The following FAAH2 variants were observed in gnomAD, a reference collection of about 807,000 sequenced individuals.
FAAH2 encodes the protein fatty acid amide hydrolase 2, also known as fatty-acid amide hydrolase 2.
A neutral mutation model predicts 36.9 loss-of-function variants in FAAH2; 60 were observed. That is an observed-to-expected ratio of 1.63 (90% CI 1.32 to 2.02). The LOEUF (loss-of-function observed/expected upper bound fraction) is 2.02. FAAH2 is among the 30% of genes most tolerant of loss of function. FAAH2 has a pLI of 0.00. For synonymous variants in FAAH2, 214 were observed against 143.8 expected, an observed-to-expected ratio of 1.49 and a Z score of -3.49; for missense variants, 689 against 397.5, an observed-to-expected ratio of 1.73 and a Z score of -6.23.
At chrX:57,165,289 C>T in the FAAH2 span, among the ~76,000 whole-genome samples, 1 of 112,062 alleles carries the variant, frequency 8.9e-6, no homozygotes, top group Non-Finnish European at 1.9e-5. Flanking sequence ...TGGAACCAAC[C>T]CAAATGTCCA....
At chrX:57,296,575 A>G (rs1409618526) in intron 2 of FAAH2, among the ~76,000 whole-genome samples, 1 of 112,328 alleles carries the variant, frequency 8.9e-6, no homozygotes, top group Non-Finnish European at 1.9e-5. Context: ...TGCAGCTACT[A>G]ATCAGCAATG....
chrX:57,381,479 A>C (rs907525246), intron 7 of FAAH2: 1 of 582,180 alleles, frequency 1.7e-6, no homozygotes, highest in Non-Finnish European at 2.1e-6. Flanking sequence ...AAGAAGAATA[A>C]TAAGGGGAAC....
At chrX:57,150,642 G>T in the FAAH2 span, among the ~76,000 whole-genome samples, 1 of 111,633 alleles carries the variant, frequency 9.0e-6, no homozygotes, top group Non-Finnish European at 1.9e-5. Flanking sequence ...TTTATTTTGA[G>T]CCTATGTGTA....
chrX:57,414,308 C>A (rs1016397579), intron 7 of FAAH2, among the ~76,000 whole-genome samples: 2 of 111,851 alleles, frequency 1.8e-5, no homozygotes, highest in Non-Finnish European at 3.8e-5. Flanking sequence ...ATAAATGCTT[C>A]CAGCTTTTGC....
Position 57,400,937 on chromosome X carries a change from A to G in FAAH2, c.996+19908A>G, listed in dbSNP as rs748428039. Among the ~76,000 whole-genome samples, 10 of 110,938 alleles carry G rather than the reference A, an allele frequency of 9.0e-5. No homozygotes were observed. In the East Asian group the frequency reaches 2.9e-3, roughly 32 times the overall value. ...GGAGATTGAGACCATCCTGGCCAAC[A>G]CAGTGAAACCCCGTTTCTACCAAAA... On this transcript the variant is annotated intron_variant, in intron 7 of 10. Coordinates refer to ENST00000374900, the MANE Select transcript of FAAH2 (RefSeq NM_174912.4).
chrX:57,448,077 C>T (rs1220593493), intron 9 of FAAH2, among the ~76,000 whole-genome samples: 2 of 111,475 alleles, frequency 1.8e-5, no homozygotes, highest in African/African-American at 6.5e-5. Context: ...GCAGCATTGA[C>T]CTCCTGGGCT....
the FAAH2 span, among the ~76,000 whole-genome samples, chrX:57,215,953 T>G: frequency 6.6e-4 from 69 of 104,523 alleles, no homozygotes; most frequent in African/African-American, 2.1e-3. Context: ...GTTCTGCTCA[T>G]GTATCCCAAA....
intron 8 of FAAH2, among the ~76,000 whole-genome samples, chrX:57,445,170 G>A (rs189652828): frequency 8.9e-6 from 1 of 111,880 alleles, no homozygotes; most frequent in East Asian, 2.8e-4. Context: ...GTGTTGTCCT[G>A]TAAGTGTGTT....
chrX:57,167,532 C>T, the FAAH2 span, among the ~76,000 whole-genome samples: 2 of 111,957 alleles, frequency 1.8e-5, no homozygotes, highest in Non-Finnish European at 3.8e-5. Context: ...CAGTTAACCA[C>T]TTCTTAACTT....
At chrX:57,272,036 T>A in the FAAH2 span, among the ~76,000 whole-genome samples, 1 of 108,690 alleles carries the variant, frequency 9.2e-6, no homozygotes, top group Non-Finnish European at 1.9e-5. Context: ...CTAACTAGAA[T>A]AACTAATGTA....
chrX:57,259,757 C>T, the FAAH2 span, among the ~76,000 whole-genome samples: 1 of 111,568 alleles, frequency 9.0e-6, no homozygotes, highest in South Asian at 3.7e-4. Flanking sequence ...AATAATTTTA[C>T]AATGTACACA....
intron 10 of FAAH2, among the ~76,000 whole-genome samples, chrX:57,465,604 C>A (rs2057034568): frequency 9.0e-6 from 1 of 110,700 alleles, no homozygotes. Flanking sequence ...AATGTTAAGA[C>A]AAAATAAAAA....
chrX:57,218,991 A>T, the FAAH2 span, among the ~76,000 whole-genome samples: 1 of 112,114 alleles, frequency 8.9e-6, no homozygotes, highest in Non-Finnish European at 1.9e-5. Flanking sequence ...TCTCAGGCCC[A>T]GTCCCAAGGC....
At chrX:57,342,340 G>T (rs998302344) in intron 5 of FAAH2, among the ~76,000 whole-genome samples, 1 of 111,409 alleles carries the variant, frequency 9.0e-6, no homozygotes, top group Non-Finnish European at 1.9e-5. Flanking sequence ...AGCACATAGA[G>T]GGGAACAACA....
At chrX:57,458,220 G>A (rs1396615517) in intron 10 of FAAH2, among the ~76,000 whole-genome samples, 1 of 111,886 alleles carries the variant, frequency 8.9e-6, no homozygotes, top group Non-Finnish European at 1.9e-5. Flanking sequence ...TCAATAAATG[G>A]TACTATAATA....
chrX:57,246,126 A>G, the FAAH2 span, among the ~76,000 whole-genome samples: 2 of 112,164 alleles, frequency 1.8e-5, no homozygotes, highest in African/African-American at 6.5e-5. Flanking sequence ...AAAATCTAGA[A>G]GAAATGGATA....
the FAAH2 span, among the ~76,000 whole-genome samples, chrX:57,225,410 C>T: frequency 5.4e-5 from 6 of 111,926 alleles, no homozygotes; most frequent in African/African-American, 1.9e-4. Flanking sequence ...AATGCTCATT[C>T]AGGAGCAGGT....
chrX:57,194,034 C>T, the FAAH2 span, among the ~76,000 whole-genome samples: 1 of 110,643 alleles, frequency 9.0e-6, no homozygotes, highest in Non-Finnish European at 1.9e-5. Flanking sequence ...TAAATATTGG[C>T]CTCATATAAT....
rs192536230 is a variant in FAAH2 at position 57,412,656 on chromosome X, C to T, written c.997-19262C>T. ...TATTTGCCTTGGTTCCAAGTCTTTG[C>T]TACTGTGAACAGTGCTGCAATAAAC... On this transcript the variant is annotated intron_variant, in intron 7 of 10. Coordinates refer to ENST00000374900, the MANE Select transcript of FAAH2 (RefSeq NM_174912.4). 1.5e-3 allele frequency among the ~76,000 whole-genome samples: 166 copies of T among 112,073 alleles called. 3 individuals are homozygous for T. Among genetic ancestry groups the T allele is most frequent in the Non-Finnish European group, 2.8e-3 (147 of 53,178 alleles).
Sources: allele counts gnomAD v4.1 joint callset (sites outside exome capture counted in the v4.1 genomes callset), GRCh38; gene constraint gnomAD v4.1.1; transcripts MANE v1.5; gene names NCBI Gene and HGNC (gene_info 2026-07-23, HGNC 2026-07-21).